Variants in FBXO25 observed in about 807,000 individuals in gnomAD.
FBXO25 encodes F-box only protein 25.
Under a neutral mutation model 51.9 loss-of-function variants are expected in FBXO25, and 45 were observed. The ratio of observed to expected loss-of-function variants is 0.87; its 90% CI spans 0.68 to 1.11. The LOEUF (loss-of-function observed/expected upper bound fraction) is 1.11. Ranked by LOEUF, FBXO25 falls within the 50% of genes most tolerant of loss-of-function variation. The probability of loss-of-function intolerance (pLI) is 0.00; values close to 1 mark genes in which losing one functional copy is unlikely to be tolerated. For synonymous variants in FBXO25, 199 were observed against 151.0 expected, an observed-to-expected ratio of 1.32 and a Z score of -2.33; for missense variants, 507 against 428.5, an observed-to-expected ratio of 1.18 and a Z score of -1.62.
In FBXO25 at chr8:451,433, C is replaced by G. The variant is rs140368463; in HGVS notation, c.640C>G (p.Gln214Glu). The G allele has an allele frequency of 2.5e-6, 4 of 1,613,630 alleles. No homozygotes were observed. The highest frequency in any genetic ancestry group is 3.4e-6 in the Non-Finnish European group (4 of 1,179,892). Residue 214 changes from glutamine (Q) to glutamate (E), a missense_variant, in exon 7 of 10, where the codon CAG becomes GAG. Coordinates refer to ENST00000350302, the MANE Select transcript of FBXO25 (RefSeq NM_183420.2). ...TATTCTCGCCTGGCAACAACAGCTA[C>G]AGGATCTTCAGATGACTAAGGTATA... ...ETILAWQQQL[Q>E]DLQMTKQVNN...
rs537493774 is a variant in FBXO25 at position 474,714 on chromosome 8, G to A, written c.*5910G>A. ...GGGCTCTTTGTCCATTTTTCAATCA[G>A]GTGTGTGTTTTTATATGTTCTGGGT... is the stretch of plus-strand genomic sequence containing the variant. On this transcript the variant is annotated 3_prime_UTR_variant, in exon 10 of 10. Transcript: ENST00000350302. 2.2e-6 allele frequency: 1 copy of A among 456,120 alleles called. No individual in the cohort carries two copies. Among genetic ancestry groups the A allele is most frequent in the South Asian group, 1.6e-5 (1 of 64,276 alleles). 28.3% of individuals were successfully genotyped at this position (456,120 alleles called of 1,614,324 possible).
At chr8:447,096 G>T (rs1028232404) in intron 5 of FBXO25, among the ~76,000 whole-genome samples, 4 of 152,172 alleles carry the variant, frequency 2.6e-5, no homozygotes, top group African/African-American at 7.2e-5. Flanking sequence ...TCTAGAAGTC[G>T]AGCCCCACAT....
intron 2 of FBXO25, among the ~76,000 whole-genome samples, chr8:430,114 T>A (rs1797734202): frequency 6.6e-6 from 1 of 152,252 alleles, no homozygotes; most frequent in African/African-American, 2.4e-5. Flanking sequence ...CCATATTCTG[T>A]CTTTATTTCT....
intron 9 of FBXO25, 144 bp downstream of exon 9, chr8:463,294 G>A (rs1800543877): frequency 5.4e-6 from 5 of 919,408 alleles, no homozygotes; most frequent in Non-Finnish European, 8.2e-6. Context: ...ACCAAATATT[G>A]GGGTAGGGGA....
intron 1 of FBXO25, chr8:407,539 C>G: frequency 1.4e-6 from 1 of 713,650 alleles, no homozygotes; most frequent in South Asian, 6.2e-5. Context: ...TGCCCACCTT[C>G]TGCGACCCCT....
chr8:418,081 C>T (rs536452671), intron 2 of FBXO25, among the ~76,000 whole-genome samples: 1 of 152,216 alleles, frequency 6.6e-6, no homozygotes, highest in African/African-American at 2.4e-5. Flanking sequence ...ACACACTGCA[C>T]AAGGGGAGGG....
At chr8:465,771 G>C (rs755848944) in intron 9 of FBXO25, among the ~76,000 whole-genome samples, 4 of 152,184 alleles carry the variant, frequency 2.6e-5, no homozygotes, top group African/African-American at 4.8e-5. Flanking sequence ...AAAAGTTTGG[G>C]ATTTTGGAGC....
At chr8:449,196 A>G (rs1166019093) in intron 5 of FBXO25, among the ~76,000 whole-genome samples, 1 of 152,266 alleles carries the variant, frequency 6.6e-6, no homozygotes, top group Non-Finnish European at 1.5e-5. Context: ...ATGAAAAGAT[A>G]CACTAGGGAA....
chr8:446,545 C>T (rs1394662771), intron 5 of FBXO25, among the ~76,000 whole-genome samples: 1 of 152,046 alleles, frequency 6.6e-6, no homozygotes, highest in African/African-American at 2.4e-5. Flanking sequence ...CTGATAACCT[C>T]AGTTGGCCTG....
chr8:419,867 T>C (rs1004941483), intron 2 of FBXO25, among the ~76,000 whole-genome samples: 7 of 152,128 alleles, frequency 4.6e-5, no homozygotes, highest in Admixed American at 1.3e-4. Flanking sequence ...AAGTCACATA[T>C]CTGACAAAGG....
chr8:413,190 C>G lies in FBXO25; in HGVS notation c.111C>G (p.Asn37Lys), dbSNP rs773441077. 1.2e-6 allele frequency: 2 copies of G among 1,603,332 alleles called. No homozygotes were observed. Among genetic ancestry groups the G allele is most frequent in the Non-Finnish European group, 8.5e-7 (1 of 1,176,432 alleles). The change falls in exon 2 of 10, where the codon AAC (asparagine) becomes AAG (lysine). Residue 37 changes from asparagine to lysine, a missense_variant. Asn to Lys is a moderately conservative substitution (Grantham distance 94). Transcript: ENST00000350302. Reference sequence around the variant, plus strand: ...GTCAGAAACTTGAAAGAGAGAATAACCGTTGTAACATCAGTCACAGCATGT... The same window carrying G: ...GTCAGAAACTTGAAAGAGAGAATAAGCGTTGTAACATCAGTCACAGCATGT... ...SCSQKLERENNRCNISHSIIL... is the reference protein window; with the variant it reads ...SCSQKLERENKRCNISHSIIL...
At chr8:423,459 T>C (rs1275913644) in intron 2 of FBXO25, among the ~76,000 whole-genome samples, 1 of 152,092 alleles carries the variant, frequency 6.6e-6, no homozygotes, top group African/African-American at 2.4e-5. Context: ...CTCTACCTTC[T>C]AGTAGTCCCC....
chr8:446,699 G>A (rs1427896971), intron 5 of FBXO25, among the ~76,000 whole-genome samples: 1 of 152,188 alleles, frequency 6.6e-6, no homozygotes, highest in Non-Finnish European at 1.5e-5. Flanking sequence ...GGTCTTCTCA[G>A]CTTTGCTTGG....
chr8:467,793 T>C, intron 9 of FBXO25: 2 of 1,608,406 alleles, frequency 1.2e-6, no homozygotes, highest in Non-Finnish European at 1.7e-6. Context: ...ATGAAAACGT[T>C]GCATCGTGCT....
At chr8:427,427 G>A (rs1292704309) in intron 2 of FBXO25, among the ~76,000 whole-genome samples, 1 of 151,082 alleles carries the variant, frequency 6.6e-6, no homozygotes, top group East Asian at 1.9e-4. Context: ...ATTTATGCGA[G>A]ATTTTTTCTC....
chr8:449,928 G>T, intron 5 of FBXO25, 62 bp from the exon 6 acceptor site: 1 of 1,131,798 alleles, frequency 8.8e-7, no homozygotes, highest in Non-Finnish European at 1.3e-6. Context: ...TTATATCACT[G>T]TGGTTTGTAA....
intron 7 of FBXO25, among the ~76,000 whole-genome samples, chr8:454,780 A>ACCCAG: frequency 6.6e-6 from 1 of 152,014 alleles, no homozygotes; most frequent in East Asian, 1.9e-4. Flanking sequence ...GGTCCCAGCT[A>ACCCAG]CTTGGGAGGC....
At chr8:460,963 A>G (rs1280444201) in intron 8 of FBXO25, among the ~76,000 whole-genome samples, 2 of 152,234 alleles carry the variant, frequency 1.3e-5, no homozygotes, top group East Asian at 1.9e-4. Flanking sequence ...TTTAGCTTTG[A>G]AAAGTAAAAC....
At chr8:460,923 AAGTATG>A (rs1799767914) in intron 8 of FBXO25, among the ~76,000 whole-genome samples, 1 of 152,238 alleles carries the variant, frequency 6.6e-6, no homozygotes, top group Non-Finnish European at 1.5e-5. Flanking sequence ...GCCGTGACTG[AAGTATG>A]AGTATGTTAT....
Sources: allele counts gnomAD v4.1 joint callset (sites outside exome capture counted in the v4.1 genomes callset), GRCh38; gene constraint gnomAD v4.1.1; transcripts MANE v1.5; gene names NCBI Gene and HGNC (gene_info 2026-07-23, HGNC 2026-07-21).